Variants in RASGRF1 observed in about 807,000 individuals in gnomAD.
RASGRF1 encodes the protein ras-specific guanine nucleotide-releasing factor 1.
RASGRF1 carries 40 observed loss-of-function variants against 138.7 expected under a neutral mutation model. The ratio of observed to expected loss-of-function variants is 0.29; its 90% CI spans 0.22 to 0.38. The LOEUF (loss-of-function observed/expected upper bound fraction) is 0.38. Among genes scored for constraint, RASGRF1 ranks in the 10% least tolerant of loss-of-function variants. RASGRF1 has a pLI of 1.00. For missense variants in RASGRF1, 1,108 were observed against 1,650.4 expected, an observed-to-expected ratio of 0.67 and a Z score of 5.69; for synonymous variants, 614 against 663.2, an observed-to-expected ratio of 0.93 and a Z score of 1.14.
In RASGRF1 at chr15:79,046,692, G is replaced by A. The variant is rs1595935404; in HGVS notation, c.878+54C>T. 2.4e-5 allele frequency: 38 copies of A among 1,601,192 alleles called. No homozygotes were observed. The highest frequency in any genetic ancestry group is 1.7e-4 in the Middle Eastern group (1 of 6,026). ...AGAGAGTGTGTCAAAGCTTAGCTGC[G>A]GCCAATGCTCACTAGTCTCCTTCCT... On this transcript the variant is annotated intron_variant, in intron 5 of 26. Transcript: ENST00000558480. This position sits in a 1 kb window ranked among gnomAD's most constrained non-coding sequence, Gnocchi z 5.3.
chr15:79,042,138 G>T (rs1428344325), intron 5 of RASGRF1, among the ~76,000 whole-genome samples: 1 of 152,144 alleles, frequency 6.6e-6, no homozygotes. Context: ...CCCTATTTGA[G>T]AAGTACACAA....
chr15:79,019,840 T>C (rs542382847), intron 11 of RASGRF1, among the ~76,000 whole-genome samples: 53 of 152,244 alleles, frequency 3.5e-4, no homozygotes, highest in Middle Eastern at 3.4e-3. Flanking sequence ...CCACACCTTA[T>C]TGGAAGTACA....
At position 78,998,931 on chromosome 15, in the gene RASGRF1, G is replaced by A. The variant is rs1017932266; in HGVS notation, c.2747-106C>T. On this transcript the variant is annotated intron_variant, in intron 17 of 26. Coordinates refer to ENST00000558480, the MANE Select transcript of RASGRF1 (RefSeq NM_001145648.3). ...CGGATCTGGCTGAGCTGGGGTGAGT[G>A]AGGGGGTCATGGGCAGGGGGATAAC... 4 of 827,370 alleles carry A rather than the reference G, an allele frequency of 4.8e-6. No homozygotes were observed. The African/African-American group carries it at 6.7e-5, about 14-fold the overall frequency. The allele number at this position is 827,370 out of a possible 1,614,324, so 51.3% of individuals were successfully genotyped here.
intron 14 of RASGRF1, 36 bp from the exon 15 acceptor site, chr15:79,004,211 G>C (rs114032018): frequency 1.3e-6 from 2 of 1,524,036 alleles, no homozygotes; most frequent in Non-Finnish European, 1.8e-6. Flanking sequence ...GACAGTTAGC[G>C]TAGGCCTGCC....
intron 2 of RASGRF1, 113 bp downstream of exon 2, chr15:79,064,307 T>C: frequency 1.0e-6 from 1 of 990,416 alleles, no homozygotes; most frequent in Non-Finnish European, 1.5e-6. Context: ...CTCCTCCTCC[T>C]TTCCCATGCC....
chr15:79,085,249 A>T (rs1276506965), intron 1 of RASGRF1, among the ~76,000 whole-genome samples: 1 of 152,174 alleles, frequency 6.6e-6, no homozygotes, highest in Non-Finnish European at 1.5e-5. Flanking sequence ...TTGGTGGGAG[A>T]TCATTTCAGG....
At chr15:79,067,210 G>T (rs1179444840) in intron 1 of RASGRF1, among the ~76,000 whole-genome samples, 133 of 152,108 alleles carry the variant, frequency 8.7e-4, no homozygotes, top group South Asian at 2.1e-4. Flanking sequence ...GGCTCCAGGG[G>T]CCAGGGCGAG....
At chr15:79,008,274 A>C (rs1253114595) in intron 13 of RASGRF1, among the ~76,000 whole-genome samples, 4 of 152,264 alleles carry the variant, frequency 2.6e-5, no homozygotes, top group African/African-American at 4.8e-5. Flanking sequence ...TGGGATTTGA[A>C]ATAAATAAAC....
At chr15:78,979,519 C>T (rs371576713) in intron 24 of RASGRF1, among the ~76,000 whole-genome samples, 2 of 152,052 alleles carry the variant, frequency 1.3e-5, no homozygotes, top group East Asian at 1.9e-4. Context: ...CAAGGTCTGG[C>T]GAGTAGCCAG....
intron 3 of RASGRF1, among the ~76,000 whole-genome samples, chr15:79,054,736 T>C (rs1415283280): frequency 6.6e-6 from 1 of 152,174 alleles, no homozygotes; most frequent in Non-Finnish European, 1.5e-5. Flanking sequence ...TTTTAAGACA[T>C]TCAGATTTGG....
At chr15:78,990,701 A>G (rs1244207333) in intron 21 of RASGRF1, among the ~76,000 whole-genome samples, 1 of 152,246 alleles carries the variant, frequency 6.6e-6, no homozygotes, top group Non-Finnish European at 1.5e-5. Context: ...GGCAGATAAA[A>G]GGCTTAAAAA....
intron 14 of RASGRF1, among the ~76,000 whole-genome samples, chr15:79,005,918 C>A (rs1367694107): frequency 6.6e-6 from 1 of 152,156 alleles, no homozygotes; most frequent in African/African-American, 2.4e-5. Flanking sequence ...GAGCACCCTC[C>A]ACACCCCAGG....
chr15:78,976,392 GA>G (rs908836766), intron 24 of RASGRF1, among the ~76,000 whole-genome samples: 16 of 152,118 alleles, frequency 1.1e-4, no homozygotes, highest in African/African-American at 3.9e-4. Context: ...TAATAAGCTG[GA>G]AAAAAATCAC....
intron 13 of RASGRF1, 48 bp downstream of exon 13, chr15:79,015,279 T>A (rs1267729564): frequency 1.9e-6 from 3 of 1,547,070 alleles, no homozygotes; most frequent in Non-Finnish European, 2.7e-6. Context: ...CTTGTGGTAC[T>A]CAGTCTCTGG....
At chr15:79,004,264 T>C in intron 14 of RASGRF1, 89 bp from the exon 15 acceptor site, 2 of 1,433,992 alleles carry the variant, frequency 1.4e-6, no homozygotes, top group Admixed American at 2.3e-5. Context: ...GGGCTCGGAG[T>C]GGCAGCAACG....
rs184691749 is a variant in RASGRF1, at chr15:78,996,093, G to C, written c.2967-293C>G. ...AGGGAGCCCTTGAGGGAGGGACGGT[G>C]TCTGATTCAGCCCCATAGCTCTGGT... On this transcript the variant is annotated intron_variant, in intron 19 of 26. Transcript: ENST00000558480. Among the ~76,000 whole-genome samples, 194 of 152,334 alleles carry C rather than the reference G, an allele frequency of 1.3e-3. 1 individual carries two copies. The highest frequency in any genetic ancestry group is 1.7e-3 in the Non-Finnish European group (119 of 68,028).
chr15:79,036,818 G>GAGAAC (rs1485745604), intron 5 of RASGRF1, among the ~76,000 whole-genome samples: 2 of 151,966 alleles, frequency 1.3e-5, no homozygotes, highest in Admixed American at 6.6e-5. Flanking sequence ...GGGAGGGAGA[G>GAGAAC]AGAACAGAAC....
intron 10 of RASGRF1, among the ~76,000 whole-genome samples, 183 bp from the exon 11 acceptor site, chr15:79,020,287 C>T (rs983502993): frequency 6.6e-6 from 1 of 152,240 alleles, no homozygotes; most frequent in African/African-American, 2.4e-5. Flanking sequence ...ACTTTATCTT[C>T]ATATAAGAAG....
intron 1 of RASGRF1, among the ~76,000 whole-genome samples, chr15:79,067,018 C>G (rs1181564627): frequency 1.3e-5 from 2 of 152,200 alleles, no homozygotes; most frequent in Non-Finnish European, 2.9e-5. Flanking sequence ...GACCTTTCTC[C>G]TGGGCTACTG....
Sources: gnomAD v4.1 joint callset for allele counts (sites outside exome capture counted in the v4.1 genomes callset) on GRCh38, gnomAD v4.1.1 for gene constraint, Gnocchi (gnomAD v3.1) non-coding constraint, MANE v1.5 for transcripts, NCBI Gene and HGNC (gene_info 2026-07-23, HGNC 2026-07-21) for gene names.